GAK: variants seen among roughly 807,000 people sequenced by gnomAD.
The protein encoded by GAK is cyclin G associated kinase, also known as cyclin-G-associated kinase.
In GAK, 79 loss-of-function variants were observed where a neutral mutation model predicts 143.9. The ratio of observed to expected loss-of-function variants is 0.55; its 90% CI spans 0.46 to 0.66. The LOEUF (loss-of-function observed/expected upper bound fraction) is 0.66. Ranked by LOEUF, GAK falls within the 30% of genes least tolerant of loss-of-function variation. GAK has a pLI of 0.00. For synonymous variants in GAK, 881 were observed against 765.5 expected, an observed-to-expected ratio of 1.15 and a Z score of -2.49; for missense variants, 1,693 against 1,779.7, an observed-to-expected ratio of 0.95 and a Z score of 0.88.
chr4:905,608 C>G (rs1263536466), intron 4 of GAK, among the ~76,000 whole-genome samples: 1 of 151,774 alleles, frequency 6.6e-6, no homozygotes, highest in Non-Finnish European at 1.5e-5. Context: ...CGGACTCCGC[C>G]AAACCAGGCC....
intron 1 of GAK, among the ~76,000 whole-genome samples, chr4:916,779 T>C (rs1229270025): frequency 1.3e-5 from 2 of 152,224 alleles, no homozygotes; most frequent in Non-Finnish European, 2.9e-5. Flanking sequence ...CTGGAAAACA[T>C]GTTGGCGATT....
At chr4:868,039 A>G (rs1560310042) in intron 20 of GAK, among the ~76,000 whole-genome samples, 1 of 152,214 alleles carries the variant, frequency 6.6e-6, no homozygotes, top group African/African-American at 2.4e-5. Context: ...TGGGAAGGCC[A>G]GGGGTGCTGG....
intron 6 of GAK, 90 bp from the exon 7 acceptor site, chr4:896,639 C>CACAG: frequency 1.0e-6 from 1 of 996,176 alleles, no homozygotes; most frequent in South Asian, 1.4e-5. Context: ...TTTCCAAATG[C>CACAG]ACAGCAGACT....
chr4:925,271 C>T (rs991340423), intron 1 of GAK, among the ~76,000 whole-genome samples: 12 of 152,238 alleles, frequency 7.9e-5, no homozygotes, highest in Non-Finnish European at 1.5e-4. Context: ...CTGGTGCCCC[C>T]GAGCAGCCTG....
chr4:915,192 A>G (rs962708018), intron 1 of GAK, among the ~76,000 whole-genome samples: 2 of 147,448 alleles, frequency 1.4e-5, no homozygotes, highest in African/African-American at 5.1e-5. Context: ...CCCAGCATAC[A>G]CGGCCCCGTG....
chr4:870,413 C>T (rs537238263), intron 19 of GAK, among the ~76,000 whole-genome samples: 1 of 152,338 alleles, frequency 6.6e-6, no homozygotes, highest in African/African-American at 2.4e-5. Flanking sequence ...CTGACCCAGA[C>T]ACACGCCTGG....
In GAK at chr4:868,925, G is replaced by A. The variant is rs761312269; in HGVS notation, c.2249-240C>T. The A allele has an allele frequency of 1.6e-4, 83 of 524,694 alleles. 1 individual carries two copies. Among genetic ancestry groups the A allele is most frequent in the Admixed American group, 1.6e-3 (47 of 29,786 alleles). 32.5% of individuals were successfully genotyped at this position (524,694 alleles called of 1,614,324 possible). ...GCACAGCACACGCACACATGAACAC[G>A]CACAAGGAACCCACCACTGAGGCAT... is the stretch of plus-strand genomic sequence containing the variant. On this transcript the variant is annotated intron_variant, in intron 19 of 27. Transcript: ENST00000314167.
At chr4:883,918 G>T in intron 12 of GAK, 119 bp downstream of exon 12, 1 of 1,001,628 alleles carries the variant, frequency 1.0e-6, no homozygotes, top group East Asian at 2.5e-5. Context: ...ACCCCTGTGA[G>T]TCTGTGGCCA....
chr4:899,312 C>A (rs1022791040), intron 5 of GAK, among the ~76,000 whole-genome samples: 3 of 152,194 alleles, frequency 2.0e-5, no homozygotes, highest in African/African-American at 7.2e-5. Flanking sequence ...GCAGGATGGC[C>A]AGCACAGGCA....
chr4:886,508 C>T (rs1301012215), intron 11 of GAK: 1 of 152,402 alleles, frequency 6.6e-6, no homozygotes, highest in African/African-American at 2.4e-5. Context: ...CCTCTGCTGA[C>T]TCCACTCTGC....
chr4:893,464 C>A lies in GAK; in HGVS notation c.903G>T (p.Glu301Asp). The A allele has an allele frequency of 6.3e-7, 1 of 1,583,540 alleles. No homozygotes were observed. The highest frequency in any genetic ancestry group is 8.6e-7 in the Non-Finnish European group (1 of 1,166,998). The change falls in exon 9 of 28, where the codon GAG (glutamate) becomes GAT (aspartate). Residue 301 changes from glutamate to aspartate, a missense_variant. Transcript: ENST00000314167. ...LIRAMLQVNP[E>D]ERLSIAEVVH... is the part of the protein sequence containing the mutation. Reference sequence around the variant, plus strand: ...CCACCTCGGCGATGGACAGCCGCTCCTCCGGGTTCACCTGCAGCATGGCGC... The same window carrying A: ...CCACCTCGGCGATGGACAGCCGCTCATCCGGGTTCACCTGCAGCATGGCGC...
chr4:858,298 T>C (rs1428382145), intron 24 of GAK, among the ~76,000 whole-genome samples: 1 of 152,170 alleles, frequency 6.6e-6, no homozygotes, highest in Admixed American at 6.5e-5. Context: ...TTCAGTTGTA[T>C]CGGCTTTGCT....
At chr4:912,506 C>T (rs1722223296) in intron 3 of GAK, 1 of 483,868 alleles carries the variant, frequency 2.1e-6, no homozygotes, top group Non-Finnish European at 3.8e-6. Flanking sequence ...ACTTCATTCC[C>T]AACACTTCTG....
chr4:917,163 C>A (rs1312629607), intron 1 of GAK, among the ~76,000 whole-genome samples: 1 of 152,212 alleles, frequency 6.6e-6, no homozygotes, highest in Non-Finnish European at 1.5e-5. Context: ...AGTACATACA[C>A]ACATACAGTC....
chr4:919,470 C>T (rs1472472130), intron 1 of GAK, among the ~76,000 whole-genome samples: 5 of 152,234 alleles, frequency 3.3e-5, no homozygotes, highest in Non-Finnish European at 7.3e-5. Flanking sequence ...CCTCTCCAGC[C>T]GCACCCCGCA....
chr4:890,269 G>T (rs895309072), intron 10 of GAK, among the ~76,000 whole-genome samples: 2 of 152,164 alleles, frequency 1.3e-5, no homozygotes, highest in Admixed American at 1.3e-4. Flanking sequence ...GCCCTGCCCT[G>T]GAGCCTCTTC....
At chr4:884,437 G>A (rs1290391522) in intron 11 of GAK, 35 of 268,820 alleles carry the variant, frequency 1.3e-4, no homozygotes, top group Non-Finnish European at 7.2e-6. Flanking sequence ...GGTGGAAGGG[G>A]AGGGCTGGAG....
intron 5 of GAK, among the ~76,000 whole-genome samples, chr4:901,342 A>G (rs1002325533): frequency 3.3e-5 from 5 of 151,026 alleles, no homozygotes; most frequent in South Asian, 4.2e-4. Context: ...TCCCCCACCC[A>G]GGGCACACGT....
chr4:890,260 C>G (rs1363894174), intron 10 of GAK, among the ~76,000 whole-genome samples: 1 of 152,184 alleles, frequency 6.6e-6, no homozygotes, highest in Non-Finnish European at 1.5e-5. Context: ...GTCTCCTGGG[C>G]CCTGCCCTGG....
Sources: allele counts gnomAD v4.1 joint callset (sites outside exome capture counted in the v4.1 genomes callset), GRCh38; gene constraint gnomAD v4.1.1; transcripts MANE v1.5; gene names NCBI Gene and HGNC (gene_info 2026-07-23, HGNC 2026-07-21).